Variants in PACSIN2 observed in about 807,000 individuals in gnomAD.
The protein encoded by PACSIN2 is protein kinase C and casein kinase substrate in neurons 2.
In PACSIN2, 25 loss-of-function variants were observed where a neutral mutation model predicts 63.8. The ratio of observed to expected loss-of-function variants is 0.39; its 90% confidence interval spans 0.29 to 0.55. PACSIN2 has a LOEUF of 0.55. PACSIN2 is among the 20% of genes least tolerant of loss of function. The pLI is 0.62. For missense variants in PACSIN2, 518 were observed against 646.9 expected (o/e 0.80, Z 2.16); for synonymous variants, 255 against 256.2 (o/e 1.00, Z 0.05).
At chr22:42,926,187 C>T (rs1364412207) in intron 1 of PACSIN2, among the ~76,000 whole-genome samples, 2 of 152,186 alleles carry the variant, frequency 1.3e-5, no homozygotes, top group Non-Finnish European at 2.9e-5. Flanking sequence ...CTCTCTGGAA[C>T]ATGGTGTAGT....
intron 1 of PACSIN2, among the ~76,000 whole-genome samples, chr22:42,963,302 T>C (rs1920929631): frequency 6.6e-6 from 1 of 152,108 alleles, no homozygotes; most frequent in Admixed American, 6.5e-5. Flanking sequence ...ACTCAAACCA[T>C]GTGGATTAAG....
At chr22:42,958,277 G>C (rs894872744) in intron 1 of PACSIN2, among the ~76,000 whole-genome samples, 3 of 151,834 alleles carry the variant, frequency 2.0e-5, no homozygotes, top group African/African-American at 7.3e-5. Flanking sequence ...TTGGTAAAGT[G>C]AGGATCCTGG....
Position 42,911,368 on chromosome 22 carries a change from C to G in PACSIN2, c.60+653G>C, listed in dbSNP as rs113227841. 7.0e-4 allele frequency among the ~76,000 whole-genome samples: 105 copies of G among 149,862 alleles called. 1 individual carries two copies. Among genetic ancestry groups the G allele is most frequent in the African/African-American group, 2.5e-3 (100 of 40,520 alleles). On this transcript the variant is annotated intron_variant, in intron 2 of 10. Transcript: ENST00000263246. ...AAGGCTTCAGTGAGCCATGATGGTG[C>G]CACTGAACTCCAGCCTGCGCTCTCG...
chr22:42,984,924 T>C (rs1922500655), intron 1 of PACSIN2, among the ~76,000 whole-genome samples: 1 of 152,136 alleles, frequency 6.6e-6, no homozygotes, highest in Non-Finnish European at 1.5e-5. Flanking sequence ...CCACCCCTAG[T>C]TTTTCTTATT....
At chr22:43,000,755 G>A (rs1306773640) in intron 1 of PACSIN2, among the ~76,000 whole-genome samples, 1 of 152,162 alleles carries the variant, frequency 6.6e-6, no homozygotes, top group Admixed American at 6.5e-5. Context: ...AATACAAGAA[G>A]CATTAAAGAA....
intron 1 of PACSIN2, among the ~76,000 whole-genome samples, chr22:43,008,109 G>C (rs1173535516): frequency 6.6e-6 from 1 of 152,230 alleles, no homozygotes; most frequent in Non-Finnish European, 1.5e-5. Context: ...AGTACTATCA[G>C]CTTCCATGTC....
chr22:42,885,549 C>T (rs1372295662), intron 5 of PACSIN2, among the ~76,000 whole-genome samples: 9 of 152,120 alleles, frequency 5.9e-5, no homozygotes, highest in Non-Finnish European at 7.4e-5. Flanking sequence ...GCAGGCCTAT[C>T]GGGCACCCTC....
intron 5 of PACSIN2, among the ~76,000 whole-genome samples, chr22:42,886,741 C>CA (rs1290151808): frequency 2.6e-5 from 4 of 152,156 alleles, no homozygotes; most frequent in African/African-American, 7.2e-5. Flanking sequence ...GCCTCCTCTC[C>CA]AGAGCTCTAG....
intron 1 of PACSIN2, among the ~76,000 whole-genome samples, chr22:42,978,580 G>C (rs1921864078): frequency 6.6e-6 from 1 of 152,168 alleles, no homozygotes; most frequent in African/African-American, 2.4e-5. Context: ...CCCACACAGA[G>C]CAGAAAGCAG....
chr22:42,879,410 G>A (rs1422077009), intron 7 of PACSIN2, among the ~76,000 whole-genome samples: 1 of 152,246 alleles, frequency 6.6e-6, no homozygotes, highest in African/African-American at 2.4e-5. Context: ...GGGATCTGGA[G>A]GCTTGCACCT....
chr22:42,967,070 G>A (rs542118841), intron 1 of PACSIN2, among the ~76,000 whole-genome samples: 3 of 151,994 alleles, frequency 2.0e-5, no homozygotes, highest in South Asian at 4.2e-4. Context: ...GTAGACGGAC[G>A]AGTACCCAGA....
intron 1 of PACSIN2, among the ~76,000 whole-genome samples, chr22:42,916,546 C>T (rs117292628): frequency 1.3e-5 from 2 of 152,102 alleles, no homozygotes; most frequent in African/African-American, 4.8e-5. Context: ...CCTCACCCCT[C>T]CCACGGCACG....
At chr22:43,004,684 G>A (rs142531616) in intron 1 of PACSIN2, among the ~76,000 whole-genome samples, 4 of 152,296 alleles carry the variant, frequency 2.6e-5, no homozygotes, top group East Asian at 1.9e-4. Context: ...CACAAACTAC[G>A]GTTTGGGTAT....
chr22:42,974,658 G>GT (rs1395185372), intron 1 of PACSIN2, among the ~76,000 whole-genome samples: 1 of 150,476 alleles, frequency 6.6e-6, no homozygotes, highest in African/African-American at 2.5e-5. Context: ...CTGAGGCACC[G>GT]TAACTGCTTA....
intron 1 of PACSIN2, among the ~76,000 whole-genome samples, chr22:42,987,304 A>G (rs1280386721): frequency 1.3e-5 from 2 of 152,004 alleles, no homozygotes; most frequent in Non-Finnish European, 2.9e-5. Flanking sequence ...CTGTTATTAT[A>G]TGGGCTGCTT....
At chr22:42,976,324 G>A (rs907936046) in intron 1 of PACSIN2, among the ~76,000 whole-genome samples, 11 of 152,226 alleles carry the variant, frequency 7.2e-5, no homozygotes, top group African/African-American at 2.7e-4. Context: ...AAGGCCAGAA[G>A]CTACACCCTG....
chr22:42,900,749 C>T (rs906019537), intron 2 of PACSIN2, among the ~76,000 whole-genome samples: 5 of 152,214 alleles, frequency 3.3e-5, no homozygotes, highest in African/African-American at 1.2e-4. Context: ...GCTGGGATTA[C>T]AGGCATGAGC....
chr22:42,895,961 C>T (rs966153043), intron 2 of PACSIN2, among the ~76,000 whole-genome samples: 1 of 152,348 alleles, frequency 6.6e-6, no homozygotes, highest in South Asian at 2.1e-4. Context: ...CTTTCCACTT[C>T]CCTGGGCAAA....
chr22:42,982,080 T>G (rs1601601630), intron 1 of PACSIN2, among the ~76,000 whole-genome samples: 2 of 82,180 alleles, frequency 2.4e-5, no homozygotes, highest in Non-Finnish European at 4.9e-5. Flanking sequence ...TACTGGGAAG[T>G]GAGGACCCCT....
Sources: allele counts gnomAD v4.1 joint callset (sites outside exome capture counted in the v4.1 genomes callset), GRCh38; gene constraint gnomAD v4.1.1; transcripts MANE v1.5; gene names NCBI Gene and HGNC (gene_info 2026-07-23, HGNC 2026-07-21).